The following GALNT13 variants were observed in gnomAD, a reference collection of about 807,000 sequenced individuals.
The protein encoded by GALNT13 is UDP-GalNAc:polypeptide N-acetylgalactosaminyltransferase 13.
Under a neutral mutation model 64.2 loss-of-function variants are expected in GALNT13, and 28 were observed. The ratio of observed to expected loss-of-function variants is 0.44; its 90% CI spans 0.32 to 0.60. The LOEUF is 0.60. Ranked by LOEUF, GALNT13 falls within the 20% of genes least tolerant of loss-of-function variation. The probability of loss-of-function intolerance (pLI) is 0.05; values close to 1 mark genes in which losing one functional copy is unlikely to be tolerated. For missense variants in GALNT13, 577 were observed against 669.8 expected, an observed-to-expected ratio of 0.86 and a Z score of 1.53; for synonymous variants, 214 against 224.6, an observed-to-expected ratio of 0.95 and a Z score of 0.42.
chr2:154,238,075 C>A (rs1689291008), intron 4 of GALNT13, among the ~76,000 whole-genome samples: 1 of 151,966 alleles, frequency 6.6e-6, no homozygotes, highest in African/African-American at 2.4e-5. Context: ...ATCATGAGTT[C>A]ATACCAGATC....
intron 4 of GALNT13, among the ~76,000 whole-genome samples, chr2:154,143,148 G>T (rs1047692075): frequency 2.6e-5 from 4 of 152,082 alleles, no homozygotes; most frequent in African/African-American, 9.7e-5. Flanking sequence ...CAGTTGATCA[G>T]GCATTAGATT....
At chr2:154,362,865 T>C (rs956002352) in intron 9 of GALNT13, among the ~76,000 whole-genome samples, 1 of 152,194 alleles carries the variant, frequency 6.6e-6, no homozygotes, top group Non-Finnish European at 1.5e-5. Context: ...ATAATTAGCG[T>C]AGGTCAACCT....
chr2:153,307,338 A>G, the GALNT13 span, among the ~76,000 whole-genome samples: 1 of 152,176 alleles, frequency 6.6e-6, no homozygotes, highest in Non-Finnish European at 1.5e-5. Flanking sequence ...TTTTTTTGAA[A>G]AAAGCATTAC....
intron 9 of GALNT13, among the ~76,000 whole-genome samples, chr2:154,364,404 T>G (rs913008114): frequency 6.6e-6 from 1 of 152,096 alleles, no homozygotes; most frequent in Non-Finnish European, 1.5e-5. Context: ...GAAGACTGGC[T>G]TTACAAGTTC....
the GALNT13 span, among the ~76,000 whole-genome samples, chr2:153,831,652 G>A: frequency 1.3e-5 from 2 of 152,064 alleles, no homozygotes; most frequent in East Asian, 1.9e-4. Flanking sequence ...TAAATCCAGC[G>A]TCTTCCCTGT....
chr2:153,197,577 G>T, the GALNT13 span, among the ~76,000 whole-genome samples: 1 of 152,236 alleles, frequency 6.6e-6, no homozygotes, highest in South Asian at 2.1e-4. Flanking sequence ...GTTCTCAGGC[G>T]CCCAGTGCTG....
intron 9 of GALNT13, among the ~76,000 whole-genome samples, chr2:154,353,257 CAATG>C (rs1282167008): frequency 2.0e-5 from 3 of 152,092 alleles, no homozygotes; most frequent in Non-Finnish European, 2.9e-5. Flanking sequence ...AGTTAGCACT[CAATG>C]AACCTGCCTT....
the GALNT13 span, among the ~76,000 whole-genome samples, chr2:153,134,217 A>G: frequency 6.6e-5 from 10 of 151,976 alleles, no homozygotes; most frequent in African/African-American, 2.2e-4. Flanking sequence ...TCAGCATCCA[A>G]TGTCTCTTAC....
At chr2:153,285,677 A>G in the GALNT13 span, among the ~76,000 whole-genome samples, 2 of 152,322 alleles carry the variant, frequency 1.3e-5, no homozygotes, top group East Asian at 3.9e-4. Flanking sequence ...TTGAGAGTCC[A>G]TATCATACTA....
At chr2:153,403,435 T>G in the GALNT13 span, among the ~76,000 whole-genome samples, 54 of 152,190 alleles carry the variant, frequency 3.5e-4, no homozygotes, top group African/African-American at 5.3e-4. Flanking sequence ...GCAGGCCTCC[T>G]TGAGCTGTGG....
At chr2:153,572,269 C>T in the GALNT13 span, among the ~76,000 whole-genome samples, 1 of 151,396 alleles carries the variant, frequency 6.6e-6, no homozygotes, top group Non-Finnish European at 1.5e-5. Flanking sequence ...CTTTGCATAT[C>T]TGTGATATCA....
the GALNT13 span, among the ~76,000 whole-genome samples, chr2:153,080,668 T>TA: frequency 6.6e-6 from 1 of 152,144 alleles, no homozygotes; most frequent in Non-Finnish European, 1.5e-5. Flanking sequence ...TCTATAGTCT[T>TA]ACAATTTTTT....
the GALNT13 span, among the ~76,000 whole-genome samples, chr2:153,144,949 A>G: frequency 6.6e-6 from 1 of 151,968 alleles, no homozygotes; most frequent in African/African-American, 2.4e-5. Context: ...TATGCTTATC[A>G]TAATGTCTGA....
At chr2:153,603,837 T>C in the GALNT13 span, among the ~76,000 whole-genome samples, 2 of 151,976 alleles carry the variant, frequency 1.3e-5, no homozygotes, top group African/African-American at 2.4e-5. Context: ...GCCATGTGGC[T>C]CAAAGAGTCT....
chr2:153,139,879 T>C, the GALNT13 span, among the ~76,000 whole-genome samples: 1 of 152,042 alleles, frequency 6.6e-6, no homozygotes, highest in Admixed American at 6.6e-5. Context: ...ATACAGAATG[T>C]TGCTCCATAG....
chr2:154,293,890 GGTCAATATTTCATAA>G (rs1692775989), intron 8 of GALNT13, among the ~76,000 whole-genome samples: 1 of 151,894 alleles, frequency 6.6e-6, no homozygotes, highest in African/African-American at 2.4e-5. Context: ...ACATTTATCT[GGTCAATATTTCATAA>G]GTTAAATGTT....
intron 3 of GALNT13, among the ~76,000 whole-genome samples, chr2:154,124,081 A>G (rs944130307): frequency 6.6e-6 from 1 of 152,082 alleles, no homozygotes; most frequent in Non-Finnish European, 1.5e-5. Flanking sequence ...AAGAATTAGC[A>G]TTAAATTAGT....
chr2:154,278,715 C>G (rs932165298), intron 8 of GALNT13, among the ~76,000 whole-genome samples: 2 of 152,038 alleles, frequency 1.3e-5, no homozygotes, highest in African/African-American at 4.8e-5. Context: ...ATAATGTAAG[C>G]TCATAAAAAG....
intron 3 of GALNT13, among the ~76,000 whole-genome samples, chr2:154,062,786 A>G (rs764743452): frequency 3.9e-5 from 6 of 152,152 alleles, no homozygotes; most frequent in Non-Finnish European, 8.8e-5. Flanking sequence ...TGTAGTTTTG[A>G]TACTTCTAAT....
Sources: gnomAD v4.1 joint callset for allele counts (sites outside exome capture counted in the v4.1 genomes callset) on GRCh38, gnomAD v4.1.1 for gene constraint, MANE v1.5 for transcripts, NCBI Gene and HGNC (gene_info 2026-07-23, HGNC 2026-07-21) for gene names.